KIAA1549L: variants seen among roughly 807,000 people sequenced by gnomAD.
KIAA1549L encodes KIAA1549 like, also known as UPF0606 protein KIAA1549L.
A neutral mutation model predicts 160.7 loss-of-function variants in KIAA1549L; 88 were observed. The ratio of observed to expected loss-of-function variants is 0.55; its 90% CI spans 0.46 to 0.65. The LOEUF (loss-of-function observed/expected upper bound fraction) is 0.65. KIAA1549L is among the 30% of genes least tolerant of loss of function. KIAA1549L has a pLI of 0.00. For synonymous variants in KIAA1549L, 950 were observed against 976.7 expected, an observed-to-expected ratio of 0.97 and a Z score of 0.51; for missense variants, 2,258 against 2,437.5, an observed-to-expected ratio of 0.93 and a Z score of 1.55.
intron 2 of KIAA1549L, 146 bp downstream of exon 2, chr11:33,544,482 G>C (rs1007688663): frequency 5.8e-6 from 5 of 865,784 alleles, no homozygotes; most frequent in Non-Finnish European, 5.3e-6. Context: ...TGAGTTAGTA[G>C]CCCCAAGTAG....
At chr11:33,503,818 C>T (rs1853010481) in intron 1 of KIAA1549L, among the ~76,000 whole-genome samples, 1 of 152,162 alleles carries the variant, frequency 6.6e-6, no homozygotes, top group African/African-American at 2.4e-5. Context: ...TGAATGTAAC[C>T]CTTCAATTAT....
chr11:33,433,709 A>T (rs975149223), intron 1 of KIAA1549L, among the ~76,000 whole-genome samples: 3 of 152,228 alleles, frequency 2.0e-5, no homozygotes, highest in African/African-American at 7.2e-5. Context: ...TCAATTATAG[A>T]CTGGATAAAG....
At position 33,454,853 on chromosome 11, in the gene KIAA1549L, G is replaced by A. The variant is rs2761216; in HGVS notation, c.238+77964G>A. ...GCCTGTAATCTCAGCACTTTGGGAG[G>A]CCGAGGCGGGTGGATCACGAGGTCA... On this transcript the variant is annotated intron_variant, in intron 1 of 20. Transcript: ENST00000658780. Among the ~76,000 whole-genome samples the A allele has an allele frequency of 8.0e-3, 1,224 of 152,280 alleles. 20 individuals carry two copies. Among genetic ancestry groups the A allele is most frequent in the African/African-American group, 0.028 (1,170 of 41,570 alleles).
At chr11:33,541,156 C>G (rs1854011537) in intron 1 of KIAA1549L, among the ~76,000 whole-genome samples, 1 of 152,158 alleles carries the variant, frequency 6.6e-6, no homozygotes, top group Non-Finnish European at 1.5e-5. Context: ...ATATTTCTGG[C>G]CTCTGCAGGT....
chr11:33,490,355 G>C (rs901496455), intron 1 of KIAA1549L, among the ~76,000 whole-genome samples: 1 of 135,122 alleles, frequency 7.4e-6, no homozygotes, highest in African/African-American at 2.9e-5. Context: ...ACAGTATCTT[G>C]CTCTGTCACC....
chr11:33,647,412 ATTAT>A (rs1367308103), intron 17 of KIAA1549L, among the ~76,000 whole-genome samples: 35 of 150,358 alleles, frequency 2.3e-4, no homozygotes, highest in South Asian at 4.2e-4. Context: ...ATTCATTGTG[ATTAT>A]TTATTAAGTA....
chr11:33,592,145 G>T (rs186212655), intron 12 of KIAA1549L, among the ~76,000 whole-genome samples: 23 of 152,304 alleles, frequency 1.5e-4, no homozygotes, highest in African/African-American at 5.3e-4. Flanking sequence ...TAAATGGTGA[G>T]TGTCCCCAGA....
At position 33,668,106 on chromosome 11, in the gene KIAA1549L, G is replaced by A. The variant is rs61736869; in HGVS notation, c.6393G>A (p.Val2131=). The A allele has an allele frequency of 0.083, 134,207 of 1,613,690 alleles. 7,006 individuals carry two copies. The highest frequency in any genetic ancestry group is 0.22 in the African/African-American group (16,783 of 74,990). The change falls in exon 21 of 21, where the codon GTG becomes GTA. Residue 2131 remains valine, a synonymous_variant. Coordinates refer to ENST00000658780, the MANE Select transcript of KIAA1549L (RefSeq NM_012194.3). The part of the protein sequence containing the change: ...AALVKAIREE[V]AKLAKKQTDM... ...TTGTGAAGGCCATCCGGGAGGAGGTGGCCAAGCTGGCCAAAAAACAGACAG... is the reference window on the plus strand; with the variant it reads ...TTGTGAAGGCCATCCGGGAGGAGGTAGCCAAGCTGGCCAAAAAACAGACAG...
Position 33,645,714 on chromosome 11 carries a change from A to C in KIAA1549L, c.5438A>C (p.Asn1813Thr). The C allele has an allele frequency of 6.2e-7, 1 of 1,613,892 alleles. No individual in the cohort carries two copies. The highest frequency in any genetic ancestry group is 8.5e-7 in the Non-Finnish European group (1 of 1,179,786). ...DTEPEIIEETNIDRVPEPRGY... is the reference protein window; with the variant it reads ...DTEPEIIEETTIDRVPEPRGY... Reference sequence around the variant, plus strand: ...GAGCCTGAAATCATAGAGGAAACCAACATTGACAGAGTTCCTGAGCCCCGG... The same window carrying C: ...GAGCCTGAAATCATAGAGGAAACCACCATTGACAGAGTTCCTGAGCCCCGG... Residue 1813 changes from asparagine (N) to threonine (T), a missense_variant, in exon 17 of 21, where the codon AAC (asparagine) becomes ACC (threonine). Physicochemically the swap from Asn to Thr is moderately conservative, Grantham distance 65. Coordinates refer to ENST00000658780, the MANE Select transcript of KIAA1549L (RefSeq NM_012194.3).
chr11:33,436,700 A>C (rs1851387962), intron 1 of KIAA1549L, among the ~76,000 whole-genome samples: 1 of 152,242 alleles, frequency 6.6e-6, no homozygotes, highest in African/African-American at 2.4e-5. Flanking sequence ...GTTCAAGGTC[A>C]CATGCTGGTA....
chr11:33,458,846 C>A (rs560297456), intron 1 of KIAA1549L, among the ~76,000 whole-genome samples: 4 of 152,202 alleles, frequency 2.6e-5, no homozygotes, highest in Admixed American at 2.6e-4. Context: ...TAGCTTGTGT[C>A]CCCCCTGGGA....
intron 1 of KIAA1549L, among the ~76,000 whole-genome samples, chr11:33,493,897 T>G (rs1171227844): frequency 4.6e-5 from 7 of 152,204 alleles, no homozygotes; most frequent in African/African-American, 1.7e-4. Flanking sequence ...GTGCAGTCAT[T>G]GTTAACAGCA....
intron 1 of KIAA1549L, among the ~76,000 whole-genome samples, chr11:33,417,729 T>C (rs1216171310): frequency 6.6e-6 from 1 of 152,130 alleles, no homozygotes; most frequent in Admixed American, 6.5e-5. Flanking sequence ...CCATCCCTCT[T>C]TTCCTGCTTT....
chr11:33,498,280 T>C (rs1257101661), intron 1 of KIAA1549L, among the ~76,000 whole-genome samples: 1 of 152,206 alleles, frequency 6.6e-6, no homozygotes. Context: ...TTCTTCCTCT[T>C]TCCAATTTTT....
At chr11:33,558,358 G>T (rs1854719852) in intron 6 of KIAA1549L, among the ~76,000 whole-genome samples, 1 of 152,178 alleles carries the variant, frequency 6.6e-6, no homozygotes, top group African/African-American at 2.4e-5. Flanking sequence ...TCGAGGTTCA[G>T]CTGCCTGATG....
chr11:33,544,696 C>T, intron 2 of KIAA1549L, 71 bp from the exon 3 acceptor site: 3 of 1,517,628 alleles, frequency 2.0e-6, no homozygotes, highest in Middle Eastern at 1.8e-4. Flanking sequence ...AAGTTACATC[C>T]ATTCATCATC....
chr11:33,418,141 T>G (rs1440014704), intron 1 of KIAA1549L, among the ~76,000 whole-genome samples: 1 of 152,204 alleles, frequency 6.6e-6, no homozygotes, highest in Non-Finnish European at 1.5e-5. Flanking sequence ...TCATATATAT[T>G]GTGTTTATTG....
chr11:33,472,968 G>C (rs1852211410), intron 1 of KIAA1549L, among the ~76,000 whole-genome samples: 1 of 152,158 alleles, frequency 6.6e-6, no homozygotes, highest in Admixed American at 6.5e-5. Flanking sequence ...AACATGAGTA[G>C]GGGCTGCTTT....
chr11:33,531,237 G>C (rs951338429), intron 1 of KIAA1549L, among the ~76,000 whole-genome samples: 1 of 152,080 alleles, frequency 6.6e-6, no homozygotes. Context: ...ACTTTCAGAC[G>C]CCAAGGCAGG....
Sources: gnomAD v4.1 joint callset for allele counts (sites outside exome capture counted in the v4.1 genomes callset) on GRCh38, gnomAD v4.1.1 for gene constraint, MANE v1.5 for transcripts, NCBI Gene and HGNC (gene_info 2026-07-23, HGNC 2026-07-21) for gene names.